Variants in ACACB observed in about 807,000 individuals in gnomAD.
ACACB encodes the protein acetyl-CoA carboxylase beta.
A neutral mutation model predicts 278.8 loss-of-function variants in ACACB; 209 were observed. The ratio of observed to expected loss-of-function variants is 0.75; its 90% CI spans 0.67 to 0.84. The LOEUF (loss-of-function observed/expected upper bound fraction) is 0.84. ACACB is among the 40% of genes least tolerant of loss of function. The pLI is 0.00. For missense variants in ACACB, 2,850 were observed against 3,269.0 expected, an observed-to-expected ratio of 0.87 and a Z score of 3.13; for synonymous variants, 1,174 against 1,285.6, an observed-to-expected ratio of 0.91 and a Z score of 1.86.
chr12:109,193,581 T>A, intron 15 of ACACB, 67 bp from the exon 16 acceptor site: 1 of 1,312,824 alleles, frequency 7.6e-7, no homozygotes, highest in Admixed American at 1.7e-5. Context: ...TTTTTTTAAA[T>A]GCAAGGGATG....
intron 39 of ACACB, 121 bp from the exon 40 acceptor site, chr12:109,247,485 A>G: frequency 1.4e-6 from 1 of 716,156 alleles, no homozygotes; most frequent in South Asian, 1.7e-5. Context: ...TTAATGTGTC[A>G]TTGACATGTT....
chr12:109,166,734 A>G (rs2043918603), intron 2 of ACACB, 127 bp from the exon 3 acceptor site: 2 of 1,050,484 alleles, frequency 1.9e-6, no homozygotes, highest in Non-Finnish European at 2.7e-6. Context: ...GGCTCTGGAG[A>G]GCAAGTGCAA....
chr12:109,255,743 A>C (rs1329852093), intron 44 of ACACB, among the ~76,000 whole-genome samples: 3 of 152,250 alleles, frequency 2.0e-5, no homozygotes. Context: ...TGCAGCCAGC[A>C]GCTAGCAGGT....
chr12:109,207,590 G>T (rs2045559876), intron 20 of ACACB, among the ~76,000 whole-genome samples: 1 of 152,218 alleles, frequency 6.6e-6, no homozygotes, highest in Non-Finnish European at 1.5e-5. Context: ...GCATCACACT[G>T]TGTGCTGTAC....
intron 21 of ACACB, among the ~76,000 whole-genome samples, chr12:109,210,201 A>ATATATGTATATACACATGTGTG (rs1555222956): frequency 7.4e-5 from 1 of 13,568 alleles, no homozygotes; most frequent in African/African-American, 2.9e-4. Context: ...GTGTATATGT[A>ATATATGTATATACACATGTGTG]TATATGTATA....
rs1446297926 is a variant in ACACB at position 109,260,502 on chromosome 12, G to A, written c.6519G>A (p.Lys2173=). ...GMKDMYDQVL[K]FGAYIVDGLR... is the part of the protein sequence containing the mutation. ...CAGACATGTATGACCAGGTGCTGAA[G>A]TTTGGAGCCTACATCGTGGACGGCC... Residue 2173 remains lysine (K), a synonymous_variant, in exon 48 of 53, where the codon AAG becomes AAA. Transcript: ENST00000338432. 1 of 1,614,228 alleles carries A rather than the reference G, an allele frequency of 6.2e-7. No individual in the cohort carries two copies. Among genetic ancestry groups the A allele is most frequent in the African/African-American group, 1.3e-5 (1 of 75,046 alleles).
At chr12:109,112,688 C>CAAAAAAAAAAAAAAAAAAAAAACAA (rs57131257), upstream of ACACB, among the ~76,000 whole-genome samples, 1 of 103,368 alleles carries the variant, frequency 9.7e-6, no homozygotes, top group Non-Finnish European at 2.1e-5. Flanking sequence ...AACTCCGTCT[C>CAAAAAAAAAAAAAAAAAAAAAACAA]AAAAAAAAAA....
intron 2 of ACACB, among the ~76,000 whole-genome samples, chr12:109,151,052 C>T (rs2136076632): frequency 6.7e-6 from 1 of 148,686 alleles, no homozygotes; most frequent in African/African-American, 2.5e-5. Context: ...AATTTCAGCT[C>T]ACTGCAACCT....
intron 42 of ACACB, 46 bp from the exon 43 acceptor site, chr12:109,252,969 G>A (rs749699376): frequency 6.5e-7 from 1 of 1,527,098 alleles, no homozygotes; most frequent in East Asian, 2.3e-5. Flanking sequence ...AGGTGGTAGA[G>A]CCCTGCACCG....
intron 20 of ACACB, 132 bp from the exon 21 acceptor site, chr12:109,209,033 G>T (rs1245640041): frequency 9.9e-7 from 1 of 1,009,446 alleles, no homozygotes; most frequent in Non-Finnish European, 1.4e-6. Context: ...CCCAGAGGCT[G>T]CTGGGTCTGG....
chr12:109,147,076 C>A (rs1391477321), intron 2 of ACACB, among the ~76,000 whole-genome samples: 1 of 152,160 alleles, frequency 6.6e-6, no homozygotes, highest in African/African-American at 2.4e-5. Context: ...TAGCTCTTTG[C>A]CCATCAGAGT....
chr12:109,121,169 A>T (rs958662139), intron 1 of ACACB, among the ~76,000 whole-genome samples: 1 of 152,126 alleles, frequency 6.6e-6, no homozygotes, highest in Non-Finnish European at 1.5e-5. Flanking sequence ...CGAACTCCTG[A>T]CCTCAAGTGA....
chr12:109,264,076 C>T (rs982480738), intron 49 of ACACB, 156 bp from the exon 50 acceptor site: 2 of 887,162 alleles, frequency 2.3e-6, no homozygotes, highest in African/African-American at 3.4e-5. Context: ...TGTGTAGCAG[C>T]AGGGGTAATA....
At chr12:109,248,675 A>G (rs2047014191) in intron 40 of ACACB, among the ~76,000 whole-genome samples, 1 of 152,148 alleles carries the variant, frequency 6.6e-6, no homozygotes, top group Non-Finnish European at 1.5e-5. Flanking sequence ...CAGCTGGATG[A>G]CTGGATGGTG....
chr12:109,190,153 G>A (rs553205122), intron 13 of ACACB, among the ~76,000 whole-genome samples: 2 of 152,206 alleles, frequency 1.3e-5, no homozygotes, highest in South Asian at 4.1e-4. Context: ...TTCTCTCCCA[G>A]AAGAAGAGGT....
intron 15 of ACACB, 145 bp downstream of exon 15, chr12:109,192,095 C>T: frequency 1.2e-6 from 1 of 853,222 alleles, no homozygotes; most frequent in South Asian, 1.6e-5. Flanking sequence ...GGAAATTCCT[C>T]TACAGATCAA....
At chr12:109,173,748 A>G (rs527765225) in intron 6 of ACACB, among the ~76,000 whole-genome samples, 1 of 152,368 alleles carries the variant, frequency 6.6e-6, no homozygotes, top group South Asian at 2.1e-4. Context: ...AGGCTCGCAC[A>G]ACTGAAAGTA....
chr12:109,196,016 A>T (rs1451867312), intron 16 of ACACB, among the ~76,000 whole-genome samples: 2 of 152,180 alleles, frequency 1.3e-5, no homozygotes, highest in African/African-American at 4.8e-5. Flanking sequence ...TTTTGTTGTT[A>T]TTACAAATAA....
chr12:109,151,256 T>TCCC (rs1450335195), intron 2 of ACACB, among the ~76,000 whole-genome samples: 1 of 152,174 alleles, frequency 6.6e-6, no homozygotes, highest in Non-Finnish European at 1.5e-5. Flanking sequence ...GTGCTGGGAT[T>TCCC]ACAGGTGTGA....
Sources: allele counts gnomAD v4.1 joint callset (sites outside exome capture counted in the v4.1 genomes callset), GRCh38; gene constraint gnomAD v4.1.1; transcripts MANE v1.5; gene names NCBI Gene and HGNC (gene_info 2026-07-23, HGNC 2026-07-21).